ARHGAP20: variants seen among roughly 807,000 people sequenced by gnomAD.
ARHGAP20 encodes the protein rho GTPase-activating protein 20.
Under a neutral mutation model 73.7 loss-of-function variants are expected in ARHGAP20, and 34 were observed. The observed-to-expected ratio is 0.46, with a 90% CI of 0.35 to 0.61. The LOEUF (loss-of-function observed/expected upper bound fraction) is 0.61. Ranked by LOEUF, ARHGAP20 falls within the 20% of genes least tolerant of loss-of-function variation. ARHGAP20 has a pLI of 0.00. For synonymous variants in ARHGAP20, 523 were observed against 518.2 expected, an observed-to-expected ratio of 1.01 and a Z score of -0.13; for missense variants, 1,314 against 1,420.9, an observed-to-expected ratio of 0.92 and a Z score of 1.21.
chr11:110,687,035 CAT>C lies in ARHGAP20; in HGVS notation c.188+3510_188+3511del, dbSNP rs142490183. 5.6e-3 allele frequency among the ~76,000 whole-genome samples: 680 copies of C among 121,682 alleles called. 14 individuals carry two copies. Among genetic ancestry groups the C allele is most frequent in the Admixed American group, 9.7e-3 (119 of 12,266 alleles). The allele number at this position is 121,682 out of a possible 152,430, so 79.8% of individuals were successfully genotyped here. On this transcript the variant is annotated intron_variant, in intron 2 of 14. Coordinates refer to ENST00000683387, the MANE Select transcript of ARHGAP20 (RefSeq NM_001384657.1). Reference sequence around the variant, plus strand: ...GCAGGAAATTAACTGAAGATTAAAACATATATATATATATATATATAGACACA... The same window carrying C: ...GCAGGAAATTAACTGAAGATTAAAACATATATATATATATATATAGACACA...
At chr11:110,669,676 G>A (rs1012689453) in intron 2 of ARHGAP20, among the ~76,000 whole-genome samples, 1 of 152,122 alleles carries the variant, frequency 6.6e-6, no homozygotes, top group South Asian at 2.1e-4. Context: ...TGTTGACGAA[G>A]ATGTGGAGCA....
At chr11:110,646,570 A>C (rs4142633) in intron 2 of ARHGAP20, among the ~76,000 whole-genome samples, 44,446 of 152,010 alleles carry the variant, frequency 0.29, 7,149 homozygotes, top group African/African-American at 0.43. Flanking sequence ...AATAAAAAAA[A>C]CATTTTTTAG....
At chr11:110,613,199 T>C (rs1272660335) in intron 6 of ARHGAP20, among the ~76,000 whole-genome samples, 9 of 152,202 alleles carry the variant, frequency 5.9e-5, no homozygotes, top group African/African-American at 1.9e-4. Flanking sequence ...TTTCAGCAGA[T>C]AGAACTCTTT....
At chr11:110,682,274 T>C (rs1411269427) in intron 2 of ARHGAP20, among the ~76,000 whole-genome samples, 2 of 152,194 alleles carry the variant, frequency 1.3e-5, no homozygotes, top group Non-Finnish European at 2.9e-5. Context: ...AATAAATAGC[T>C]TACATACATA....
intron 1 of ARHGAP20, among the ~76,000 whole-genome samples, chr11:110,703,305 T>G (rs970533414): frequency 5.3e-5 from 8 of 152,126 alleles, no homozygotes; most frequent in African/African-American, 1.9e-4. Context: ...TACTACCATG[T>G]TGAAATACAA....
chr11:110,588,511 A>G (rs550574253), intron 11 of ARHGAP20, among the ~76,000 whole-genome samples: 5 of 152,366 alleles, frequency 3.3e-5, no homozygotes, highest in Admixed American at 2.0e-4. Flanking sequence ...AACTTTTGCT[A>G]AAAATTATCT....
chr11:110,616,692 T>C (rs1011938376), intron 4 of ARHGAP20, among the ~76,000 whole-genome samples: 3 of 151,868 alleles, frequency 2.0e-5, no homozygotes, highest in Non-Finnish European at 4.4e-5. Context: ...TTTTCTTTTT[T>C]TTTTTTTTTA....
intron 1 of ARHGAP20, among the ~76,000 whole-genome samples, chr11:110,709,730 G>A (rs1344023160): frequency 6.6e-6 from 1 of 152,170 alleles, no homozygotes; most frequent in East Asian, 1.9e-4. Flanking sequence ...AAACAAGGGG[G>A]GGATGCATAG....
intron 4 of ARHGAP20, among the ~76,000 whole-genome samples, chr11:110,617,528 G>T (rs1168824622): frequency 6.6e-6 from 1 of 152,276 alleles, no homozygotes; most frequent in Admixed American, 6.5e-5. Context: ...CTCCCAAAGT[G>T]CTGGGATTAC....
At chr11:110,593,481 A>C (rs776895252) in intron 9 of ARHGAP20, among the ~76,000 whole-genome samples, 17 of 152,222 alleles carry the variant, frequency 1.1e-4, no homozygotes, top group Admixed American at 3.9e-4. Flanking sequence ...AAGAGTGAGC[A>C]AAAGAAGGTA....
intron 12 of ARHGAP20, among the ~76,000 whole-genome samples, chr11:110,585,229 T>C (rs1947630025): frequency 6.6e-6 from 1 of 151,972 alleles, no homozygotes; most frequent in South Asian, 2.1e-4. Flanking sequence ...TCATAAACGA[T>C]TTAAACAAAA....
At chr11:110,592,653 GAGGAAGAAAA>G (rs1947856958) in intron 9 of ARHGAP20, among the ~76,000 whole-genome samples, 1 of 152,244 alleles carries the variant, frequency 6.6e-6, no homozygotes, top group African/African-American at 2.4e-5. Flanking sequence ...AAGCGAAAAG[GAGGAAGAAAA>G]AGGAAGAAGG....
intron 2 of ARHGAP20, among the ~76,000 whole-genome samples, chr11:110,644,997 T>TTCTATCTCTCTCTCTCTC (rs1555094126): frequency 1.2e-4 from 18 of 150,522 alleles, no homozygotes; most frequent in African/African-American, 4.1e-4. Context: ...GAACAGACAC[T>TTCTATCTCTCTCTCTCTC]TCTCTCTCTC....
intron 2 of ARHGAP20, among the ~76,000 whole-genome samples, chr11:110,677,951 G>A (rs1055437960): frequency 1.3e-5 from 2 of 152,076 alleles, no homozygotes; most frequent in Non-Finnish European, 2.9e-5. Flanking sequence ...TTCATAAATA[G>A]CCAAAATGTG....
intron 9 of ARHGAP20, among the ~76,000 whole-genome samples, chr11:110,601,471 T>C (rs1948107721): frequency 6.6e-6 from 1 of 152,208 alleles, no homozygotes; most frequent in Non-Finnish European, 1.5e-5. Flanking sequence ...GTGAGCTCTG[T>C]TATAAAGTCT....
intron 2 of ARHGAP20, among the ~76,000 whole-genome samples, chr11:110,665,165 A>C (rs1949698800): frequency 6.6e-6 from 1 of 152,210 alleles, no homozygotes; most frequent in African/African-American, 2.4e-5. Flanking sequence ...ACACATATGT[A>C]AAAATGAATT....
intron 9 of ARHGAP20, among the ~76,000 whole-genome samples, chr11:110,597,566 G>C (rs1370977249): frequency 1.3e-5 from 2 of 152,022 alleles, no homozygotes; most frequent in African/African-American, 4.8e-5. Context: ...CCAAAGTGCT[G>C]GGATTACAGG....
Position 110,702,841 on chromosome 11 carries a change from C to A in ARHGAP20, c.105+9286G>T, listed in dbSNP as rs1397163234. Among the ~76,000 whole-genome samples, 3 of 152,092 alleles carry A rather than the reference C, an allele frequency of 2.0e-5. No individual in the cohort carries two copies. In the South Asian group the frequency reaches 6.2e-4, roughly 31 times the overall value. The stretch of plus-strand genomic sequence containing the variant: ...CCAACTTATGAGGAATGTGAAGGAC[C>A]TCTTCAAGGAGAACTATAAACCACT... On this transcript the variant is annotated intron_variant, in intron 1 of 14. Transcript: ENST00000683387.
intron 1 of ARHGAP20, among the ~76,000 whole-genome samples, chr11:110,705,887 A>C (rs548637105): frequency 3.2e-4 from 49 of 152,324 alleles, no homozygotes; most frequent in African/African-American, 1.2e-3. Flanking sequence ...CTGAGGTATC[A>C]GCATAGAGAT....
Sources: allele counts gnomAD v4.1 joint callset (sites outside exome capture counted in the v4.1 genomes callset), GRCh38; gene constraint gnomAD v4.1.1; transcripts MANE v1.5; gene names NCBI Gene and HGNC (gene_info 2026-07-23, HGNC 2026-07-21).